ZFHX3: variants seen among roughly 807,000 people sequenced by gnomAD.
ZFHX3 encodes the protein zinc finger homeobox protein 3.
In ZFHX3, 42 loss-of-function variants were observed where a neutral mutation model predicts 279.1. That is an observed-to-expected ratio of 0.15 (90% confidence interval 0.12 to 0.19). The LOEUF is 0.19. ZFHX3 is among the 10% of genes least tolerant of loss of function. The pLI, the probability that ZFHX3 is intolerant of heterozygous loss-of-function variation, is 1.00. For synonymous variants in ZFHX3, 2,293 were observed against 1,957.8 expected, an observed-to-expected ratio of 1.17 and a Z score of -4.52; for missense variants, 4,981 against 4,754.0, an observed-to-expected ratio of 1.05 and a Z score of -1.40.
At chr16:73,728,696 T>G (rs2053542779) in intron 1 of ZFHX3, among the ~76,000 whole-genome samples, 1 of 152,074 alleles carries the variant, frequency 6.6e-6, no homozygotes, top group Admixed American at 6.5e-5. Context: ...TACTGCTTGT[T>G]GTAAGAATTT....
chr16:73,727,612 T>A (rs1293510131), intron 1 of ZFHX3, among the ~76,000 whole-genome samples: 1 of 152,216 alleles, frequency 6.6e-6, no homozygotes, highest in African/African-American at 2.4e-5. Flanking sequence ...GGACTCATTA[T>A]GCATTTTTCC....
intron 2 of ZFHX3, among the ~76,000 whole-genome samples, chr16:73,474,539 G>T (rs1161616364): frequency 6.6e-6 from 1 of 152,184 alleles, no homozygotes; most frequent in African/African-American, 2.4e-5. Context: ...CATTCCCAGA[G>T]GAGGAGGAGG....
At chr16:73,712,308 G>A (rs1051636336) in intron 1 of ZFHX3, among the ~76,000 whole-genome samples, 21 of 152,182 alleles carry the variant, frequency 1.4e-4, no homozygotes. Context: ...CTCGTCAGAT[G>A]TCCAAGCTGC....
Position 73,413,296 on chromosome 16 carries a change from T to C in ZFHX3, c.-1291+42707A>G, listed in dbSNP as rs1246637373. ...AAAGAACAGCACAGGAGTGAGAAAG[T>C]TCAAAGGAAACTTGGGAAACAGAGG... On this transcript the variant is annotated intron_variant, in intron 3 of 17. Transcript: ENST00000641206. 3.9e-5 allele frequency among the ~76,000 whole-genome samples: 6 copies of C among 152,200 alleles called. No individual in the cohort carries two copies. The East Asian group carries it at 5.8e-4, about 15-fold the overall frequency.
intron 7 of ZFHX3, among the ~76,000 whole-genome samples, chr16:73,113,334 T>C (rs553123516): frequency 1.1e-3 from 175 of 152,228 alleles, no homozygotes; most frequent in Non-Finnish European, 1.8e-3. Flanking sequence ...TAAACTGGCC[T>C]GGGAAATTAA....
chr16:73,537,369 T>C (rs547207971), intron 2 of ZFHX3, among the ~76,000 whole-genome samples: 3 of 135,828 alleles, frequency 2.2e-5, no homozygotes, highest in Non-Finnish European at 4.6e-5. Flanking sequence ...CAGGCTGGAG[T>C]GCAGTGGCGC....
intron 2 of ZFHX3, among the ~76,000 whole-genome samples, chr16:73,505,482 A>G (rs11648088): frequency 0.25 from 38,095 of 151,802 alleles, 6,203 homozygotes; most frequent in Non-Finnish European, 0.36. Flanking sequence ...TCGTCTCCTT[A>G]TTCCTAAGAA....
At chr16:72,859,199 C>T (rs777902640) in intron 4 of ZFHX3, among the ~76,000 whole-genome samples, 17 of 152,128 alleles carry the variant, frequency 1.1e-4, no homozygotes, top group Non-Finnish European at 1.9e-4. Flanking sequence ...GCATTTCTAC[C>T]GAAAAGATGA....
At chr16:73,160,772 C>CTT (rs200196890) in intron 5 of ZFHX3, among the ~76,000 whole-genome samples, 2,601 of 127,902 alleles carry the variant, frequency 0.02, 96 homozygotes, top group African/African-American at 0.067. Context: ...CTTTTCTCTT[C>CTT]TTTTTTTTTT....
chr16:73,858,424 C>G (rs1389411505), intron 1 of ZFHX3, among the ~76,000 whole-genome samples: 1 of 152,154 alleles, frequency 6.6e-6, no homozygotes. Context: ...GTAACAATGG[C>G]CCGAGCTGAG....
At chr16:73,136,396 G>A (rs554841549) in intron 6 of ZFHX3, among the ~76,000 whole-genome samples, 1 of 152,040 alleles carries the variant, frequency 6.6e-6, no homozygotes, top group Non-Finnish European at 1.5e-5. Context: ...CTATCTATTA[G>A]GTTGGTGCAA....
At chr16:73,514,548 T>G (rs2019487998) in intron 2 of ZFHX3, among the ~76,000 whole-genome samples, 1 of 152,222 alleles carries the variant, frequency 6.6e-6, no homozygotes, top group Admixed American at 6.5e-5. Flanking sequence ...ATTCTATAAT[T>G]CCAATACTGA....
chr16:72,869,574 A>G (rs971112499), intron 4 of ZFHX3, among the ~76,000 whole-genome samples: 71 of 127,734 alleles, frequency 5.6e-4, no homozygotes, highest in African/African-American at 1.8e-3. Context: ...GATCAGTGAC[A>G]TTTTAGAAAA....
intron 2 of ZFHX3, among the ~76,000 whole-genome samples, chr16:73,596,299 A>G (rs2052049526): frequency 6.6e-6 from 1 of 152,152 alleles, no homozygotes; most frequent in Admixed American, 6.6e-5. Context: ...CTGGGATTAC[A>G]GGCGTGAGCC....
At chr16:73,681,006 C>A (rs1474424236) in intron 1 of ZFHX3, among the ~76,000 whole-genome samples, 2 of 152,100 alleles carry the variant, frequency 1.3e-5, no homozygotes, top group Non-Finnish European at 2.9e-5. Flanking sequence ...AGAATAGCAC[C>A]AGCACAAACT....
chr16:73,596,852 G>C (rs1240449887), intron 2 of ZFHX3, among the ~76,000 whole-genome samples: 1 of 152,136 alleles, frequency 6.6e-6, no homozygotes. Context: ...ATAAATATGT[G>C]CTGTACAAAT....
chr16:73,199,404 C>T (rs997349639), intron 5 of ZFHX3, among the ~76,000 whole-genome samples: 5 of 152,220 alleles, frequency 3.3e-5, no homozygotes, highest in Admixed American at 6.5e-5. Context: ...AGTGACTCTG[C>T]TGCCATCTAT....
intron 5 of ZFHX3, among the ~76,000 whole-genome samples, chr16:73,202,242 T>TAGAA (rs1159086087): frequency 2.0e-5 from 3 of 152,220 alleles, no homozygotes; most frequent in Admixed American, 6.5e-5. Context: ...TTCTGAGCCC[T>TAGAA]TGAAACTCTC....
intron 5 of ZFHX3, among the ~76,000 whole-genome samples, chr16:73,214,403 C>T (rs775208789): frequency 1.1e-4 from 16 of 151,932 alleles, no homozygotes; most frequent in African/African-American, 1.9e-4. Flanking sequence ...CGGTGACTTA[C>T]GGTGTGGCCT....
Sources: gnomAD v4.1 joint callset for allele counts (sites outside exome capture counted in the v4.1 genomes callset) on GRCh38, gnomAD v4.1.1 for gene constraint, MANE v1.5 for transcripts, NCBI Gene and HGNC (gene_info 2026-07-23, HGNC 2026-07-21) for gene names.